Variants in ST3GAL3 observed in about 807,000 individuals in gnomAD.
ST3GAL3 encodes ST3 beta-galactoside alpha-2,3-sialyltransferase 3.
In ST3GAL3, 21 loss-of-function variants were observed where a neutral mutation model predicts 50.1. That is an observed-to-expected ratio of 0.42 (90% CI 0.30 to 0.60). The LOEUF is 0.60. ST3GAL3 is among the 20% of genes least tolerant of loss of function. The probability of loss-of-function intolerance (pLI) is 0.19; values close to 1 mark genes in which losing one functional copy is unlikely to be tolerated. For synonymous variants in ST3GAL3, 183 were observed against 190.0 expected (o/e 0.96, Z 0.30); for missense variants, 353 against 489.4 (o/e 0.72, Z 2.63).
At chr1:43,923,443 G>A (rs1022250262) in intron 11 of ST3GAL3, among the ~76,000 whole-genome samples, 1 of 152,012 alleles carries the variant, frequency 6.6e-6, no homozygotes, top group African/African-American at 2.4e-5. Context: ...CCATAGTCTG[G>A]GTGGCTTTTA....
At chr1:43,840,158 T>G (rs895649504) in intron 5 of ST3GAL3, 1 of 151,904 alleles carries the variant, frequency 6.6e-6, no homozygotes, top group African/African-American at 2.4e-5. Flanking sequence ...TCCCAAGTAG[T>G]TGGGACTCCA....
intron 11 of ST3GAL3, among the ~76,000 whole-genome samples, chr1:43,927,869 G>A (rs1353873537): frequency 6.6e-6 from 1 of 152,158 alleles, no homozygotes; most frequent in African/African-American, 2.4e-5. Context: ...GACGCTTCCC[G>A]CCTTCAGAGG....
intron 6 of ST3GAL3, among the ~76,000 whole-genome samples, chr1:43,897,277 C>T (rs929419556): frequency 6.6e-6 from 1 of 152,126 alleles, no homozygotes; most frequent in Non-Finnish European, 1.5e-5. Context: ...TATTAAGATG[C>T]TCTCCATTGT....
chr1:43,787,698 C>T (rs77556558), intron 2 of ST3GAL3, among the ~76,000 whole-genome samples: 179 of 152,282 alleles, frequency 1.2e-3, no homozygotes, highest in African/African-American at 3.9e-3. Flanking sequence ...TGATGCTTAC[C>T]CTTATCACTT....
At chr1:43,909,001 G>A (rs1398687222) in intron 9 of ST3GAL3, among the ~76,000 whole-genome samples, 3 of 152,086 alleles carry the variant, frequency 2.0e-5, no homozygotes, top group East Asian at 1.9e-4. Context: ...CCTATTTCAC[G>A]CCTCTATGTT....
Position 43,918,848 on chromosome 1 carries a change from G to C in ST3GAL3, c.745-1556G>C, listed in dbSNP as rs560654365. Among the ~76,000 whole-genome samples, 9 of 151,932 alleles carry C rather than the reference G, an allele frequency of 5.9e-5. No individual in the cohort carries two copies. The East Asian group carries it at 1.7e-3, about 29-fold the overall frequency. ...TGATTTTGTCTTTCCTATTTTTTAA[G>C]TCATCTCTTTATATCAGTAAAAGGT... On this transcript the variant is annotated intron_variant, in intron 9 of 11. Coordinates refer to ENST00000347631, the MANE Select transcript of ST3GAL3 (RefSeq NM_006279.5).
intron 5 of ST3GAL3, among the ~76,000 whole-genome samples, chr1:43,877,513 GT>G (rs1238336106): frequency 2.0e-5 from 3 of 152,118 alleles, no homozygotes; most frequent in Non-Finnish European, 4.4e-5. Flanking sequence ...GATGGAATAG[GT>G]TTAGGGGAAG....
chr1:43,721,295 C>CTT (rs35508020), intron 1 of ST3GAL3, among the ~76,000 whole-genome samples: 31 of 99,840 alleles, frequency 3.1e-4, no homozygotes, highest in Admixed American at 4.2e-4. Flanking sequence ...ATAATTAAAC[C>CTT]TTTTTTTTTT....
At chr1:43,722,310 T>C (rs1490621377) in intron 1 of ST3GAL3, among the ~76,000 whole-genome samples, 3 of 152,144 alleles carry the variant, frequency 2.0e-5, no homozygotes, top group African/African-American at 4.8e-5. Flanking sequence ...TGGAAAGGCA[T>C]GATAAGTTGA....
intron 2 of ST3GAL3, among the ~76,000 whole-genome samples, chr1:43,776,232 C>T (rs1697191712): frequency 6.6e-6 from 1 of 152,174 alleles, no homozygotes; most frequent in Non-Finnish European, 1.5e-5. Context: ...TCACCCGTAT[C>T]CCTAGGGCAA....
chr1:43,856,811 T>C (rs2068477799), intron 5 of ST3GAL3, among the ~76,000 whole-genome samples: 1 of 152,232 alleles, frequency 6.6e-6, no homozygotes, highest in Admixed American at 6.5e-5. Context: ...TTGTCTGAGC[T>C]TACTGCCTCC....
At chr1:43,820,440 A>G (rs951294605) in intron 4 of ST3GAL3, among the ~76,000 whole-genome samples, 20 of 152,204 alleles carry the variant, frequency 1.3e-4, no homozygotes, top group Non-Finnish European at 2.2e-4. Flanking sequence ...AACAAGAACA[A>G]AAATTGACAA....
intron 5 of ST3GAL3, among the ~76,000 whole-genome samples, chr1:43,881,970 T>C (rs929985208): frequency 6.6e-6 from 1 of 152,200 alleles, no homozygotes; most frequent in Non-Finnish European, 1.5e-5. Context: ...CCCAAGCTGC[T>C]CCTGTCTCTT....
chr1:43,807,503 G>A (rs886718873), intron 3 of ST3GAL3, among the ~76,000 whole-genome samples: 7 of 152,186 alleles, frequency 4.6e-5, no homozygotes. Flanking sequence ...TAGGTGAAGA[G>A]ATTGGGATTT....
intron 4 of ST3GAL3, among the ~76,000 whole-genome samples, chr1:43,832,724 G>A (rs2063711784): frequency 6.6e-6 from 1 of 152,120 alleles, no homozygotes; most frequent in African/African-American, 2.4e-5. Flanking sequence ...AAATTAAAGT[G>A]AAAATATTTA....
chr1:43,861,198 C>T (rs1022938741), intron 5 of ST3GAL3, among the ~76,000 whole-genome samples: 1 of 152,206 alleles, frequency 6.6e-6, no homozygotes, highest in Non-Finnish European at 1.5e-5. Flanking sequence ...GCTGTATAAC[C>T]TTGGACAAGC....
At chr1:43,926,605 C>CA (rs35218617) in intron 11 of ST3GAL3, among the ~76,000 whole-genome samples, 86,833 of 150,226 alleles carry the variant, frequency 0.58, 29,616 homozygotes, top group Non-Finnish European at 0.76. Flanking sequence ...AACTCCGTCT[C>CA]AAAAAAAAAT....
intron 5 of ST3GAL3, among the ~76,000 whole-genome samples, chr1:43,889,545 G>T (rs1158019951): frequency 6.6e-6 from 1 of 152,210 alleles, no homozygotes; most frequent in African/African-American, 2.4e-5. Context: ...TAATTTGTCT[G>T]TTCTTCTAGT....
intron 9 of ST3GAL3, among the ~76,000 whole-genome samples, chr1:43,911,557 A>T (rs1427386425): frequency 6.6e-6 from 1 of 152,038 alleles, no homozygotes; most frequent in Non-Finnish European, 1.5e-5. Context: ...ATAGATATCT[A>T]TAGACATATC....
Sources: gnomAD v4.1 joint callset for allele counts (sites outside exome capture counted in the v4.1 genomes callset) on GRCh38, gnomAD v4.1.1 for gene constraint, MANE v1.5 for transcripts, NCBI Gene and HGNC (gene_info 2026-07-23, HGNC 2026-07-21) for gene names.